Variants in PARD3 observed in about 807,000 individuals in gnomAD.
PARD3 encodes the protein par-3 family cell polarity regulator, also known as partitioning defective 3 homolog.
PARD3 carries 75 observed loss-of-function variants against 155.4 expected under a neutral mutation model. The ratio of observed to expected loss-of-function variants is 0.48; its 90% CI spans 0.40 to 0.58. The LOEUF (loss-of-function observed/expected upper bound fraction) is 0.58, where lower values mean the gene tolerates loss of function less well. PARD3 is among the 20% of genes least tolerant of loss of function. The pLI is 0.00. For missense variants in PARD3, 1,642 were observed against 1,721.7 expected (o/e 0.95, Z 0.82); for synonymous variants, 576 against 610.5 (o/e 0.94, Z 0.83).
intron 1 of PARD3, among the ~76,000 whole-genome samples, chr10:34,792,067 G>C (rs1329545412): frequency 1.3e-5 from 2 of 152,134 alleles, no homozygotes; most frequent in Non-Finnish European, 2.9e-5. Flanking sequence ...ATGCGCCCAG[G>C]TGCTCGCTTG....
At chr10:34,657,393 A>G (rs1297090351) in intron 2 of PARD3, among the ~76,000 whole-genome samples, 2 of 151,528 alleles carry the variant, frequency 1.3e-5, no homozygotes, top group African/African-American at 4.9e-5. Flanking sequence ...ATTATTGTCC[A>G]AAAAAAAAGT....
At chr10:34,569,149 T>A (rs2086185015) in intron 2 of PARD3, among the ~76,000 whole-genome samples, 1 of 152,124 alleles carries the variant, frequency 6.6e-6, no homozygotes, top group African/African-American at 2.4e-5. Flanking sequence ...GCAGACAACA[T>A]TAGCCAAATA....
rs761551197 is a variant in PARD3, at chr10:34,346,159, A to G, written c.2218+1806T>C. ...ATCTGGAGTTTTAAGAGTTCAGTAC[A>G]TATCTAGCAGAAGGAAGAGGAAACA... On this transcript the variant is annotated intron_variant, in intron 15 of 24. Coordinates refer to ENST00000374788, the MANE Select transcript of PARD3 (RefSeq NM_001184785.2). 5 of 1,096,448 alleles carry G rather than the reference A, an allele frequency of 4.6e-6. No individual in the cohort carries two copies. The African/African-American group carries it at 6.6e-5, about 15-fold the overall frequency. The allele number at this position is 1,096,448 out of a possible 1,614,324, so 67.9% of individuals were successfully genotyped here. A position where few individuals can be genotyped will look rare whatever the true frequency, so the allele number is the denominator to read the frequency against.
chr10:34,555,267 C>T (rs760578480), intron 2 of PARD3, among the ~76,000 whole-genome samples: 7 of 152,138 alleles, frequency 4.6e-5, no homozygotes, highest in Non-Finnish European at 7.4e-5. Flanking sequence ...TTCTGTAAAC[C>T]TAACATTGCT....
chr10:34,207,880 T>A (rs1175879905), intron 22 of PARD3, among the ~76,000 whole-genome samples: 1 of 152,228 alleles, frequency 6.6e-6, no homozygotes, highest in African/African-American at 2.4e-5. Context: ...TTAAGAAGAA[T>A]GCCTCCGGTC....
chr10:34,554,083 T>C (rs751574316), intron 2 of PARD3, among the ~76,000 whole-genome samples: 57 of 152,302 alleles, frequency 3.7e-4, no homozygotes, highest in Admixed American at 9.8e-4. Context: ...CCTTAAAAAT[T>C]GTGTGTAAAT....
Position 34,815,162 on chromosome 10 carries a change from T to A in PARD3, c.-167A>T, listed in dbSNP as rs1419535410. 4.9e-5 allele frequency: 9 copies of A among 183,962 alleles called. No homozygotes were observed. The highest frequency in any genetic ancestry group is 8.2e-5 in the Non-Finnish European group (8 of 97,122). 11.4% of individuals were successfully genotyped at this position (183,962 alleles called of 1,614,324 possible). A position where few individuals can be genotyped will look rare whatever the true frequency, so the allele number is the denominator to read the frequency against. On this transcript the variant is annotated 5_prime_UTR_variant, in exon 1 of 25. It removes an upstream start codon present in the reference 5' UTR. Coordinates refer to ENST00000374788, the MANE Select transcript of PARD3 (RefSeq NM_001184785.2). The stretch of plus-strand genomic sequence containing the variant: ...ACGCCGGGGGGCCGCTCAGCTCGCA[T>A]GCCCGGCCCGGCCGCCCTCGCCTCG...
intron 23 of PARD3, among the ~76,000 whole-genome samples, chr10:34,129,698 C>CTTTTTTTTTT (rs1346445542): frequency 1.7e-5 from 1 of 59,756 alleles, no homozygotes; most frequent in African/African-American, 5.5e-5. Flanking sequence ...AATGTCAAGC[C>CTTTTTTTTTT]TCTTTTTTTT....
chr10:34,449,316 T>G (rs767291244), intron 5 of PARD3, among the ~76,000 whole-genome samples: 1 of 151,924 alleles, frequency 6.6e-6, no homozygotes, highest in Non-Finnish European at 1.5e-5. Flanking sequence ...ATCTGTCAAT[T>G]ATACTTCAAT....
At chr10:34,703,721 G>C (rs1037440052) in intron 1 of PARD3, among the ~76,000 whole-genome samples, 3 of 152,106 alleles carry the variant, frequency 2.0e-5, no homozygotes, top group African/African-American at 7.2e-5. Context: ...GAAGATTGGT[G>C]GGGGGAAGGG....
At chr10:34,456,237 G>A (rs566889412) in intron 4 of PARD3, among the ~76,000 whole-genome samples, 3 of 152,182 alleles carry the variant, frequency 2.0e-5, no homozygotes, top group Non-Finnish European at 4.4e-5. Flanking sequence ...AATGCCAAAA[G>A]ACGTATTGCA....
intron 5 of PARD3, among the ~76,000 whole-genome samples, chr10:34,442,511 G>A (rs913351910): frequency 3.9e-5 from 6 of 152,184 alleles, no homozygotes; most frequent in East Asian, 1.9e-4. Context: ...ACAAGGAGGC[G>A]AGGCTACGCA....
chr10:34,577,694 C>G (rs2087012021), intron 2 of PARD3, among the ~76,000 whole-genome samples: 1 of 152,186 alleles, frequency 6.6e-6, no homozygotes, highest in Non-Finnish European at 1.5e-5. Context: ...TCATCACTAA[C>G]TCCACATGAC....
chr10:34,803,096 G>A (rs1163212047), intron 1 of PARD3, among the ~76,000 whole-genome samples: 1 of 146,668 alleles, frequency 6.8e-6, no homozygotes, highest in East Asian at 2.0e-4. Context: ...AAAATTAGCT[G>A]GGCGTGGTGG....
intron 22 of PARD3, among the ~76,000 whole-genome samples, chr10:34,243,169 A>G (rs1487636972): frequency 2.0e-5 from 3 of 152,194 alleles, no homozygotes; most frequent in African/African-American, 7.2e-5. Context: ...ACTATAACAG[A>G]TCACACACAT....
intron 2 of PARD3, among the ~76,000 whole-genome samples, chr10:34,628,956 T>G (rs1344758282): frequency 6.6e-6 from 1 of 152,224 alleles, no homozygotes; most frequent in Non-Finnish European, 1.5e-5. Context: ...TTAAAATCCC[T>G]GTGAAAAGCC....
chr10:34,287,033 G>A (rs1440474166), intron 20 of PARD3, among the ~76,000 whole-genome samples: 2 of 152,090 alleles, frequency 1.3e-5, no homozygotes, highest in East Asian at 1.9e-4. Flanking sequence ...ACAGGGCCAG[G>A]GAAGGAAAAG....
intron 22 of PARD3, among the ~76,000 whole-genome samples, chr10:34,162,136 GT>G (rs1261536157): frequency 6.6e-6 from 1 of 152,170 alleles, no homozygotes; most frequent in Non-Finnish European, 1.5e-5. Context: ...TATACCACAT[GT>G]TTTGTGCAGA....
At chr10:34,615,478 TAAATG>T (rs2091190464) in intron 2 of PARD3, among the ~76,000 whole-genome samples, 1 of 152,140 alleles carries the variant, frequency 6.6e-6, no homozygotes. Context: ...ATTAAAGACT[TAAATG>T]TAAGGCCAAA....
Sources: allele counts gnomAD v4.1 joint callset (sites outside exome capture counted in the v4.1 genomes callset), GRCh38; gene constraint gnomAD v4.1.1; transcripts MANE v1.5; gene names NCBI Gene and HGNC (gene_info 2026-07-23, HGNC 2026-07-21).